SNTB2: variants seen among roughly 807,000 people sequenced by gnomAD.
The protein encoded by SNTB2 is beta-2-syntrophin.
A neutral mutation model predicts 46.2 loss-of-function variants in SNTB2; 34 were observed. The observed-to-expected ratio is 0.74, with a 90% CI of 0.56 to 0.98. The LOEUF (loss-of-function observed/expected upper bound fraction) is 0.98. Ranked by LOEUF, SNTB2 falls within the 50% of genes least tolerant of loss-of-function variation. SNTB2 has a pLI of 0.00. For missense variants in SNTB2, 603 were observed against 731.4 expected (o/e 0.82, Z 2.02); for synonymous variants, 290 against 312.6 (o/e 0.93, Z 0.76).
At chr16:69,247,492 G>A (rs1238707282) in intron 2 of SNTB2, among the ~76,000 whole-genome samples, 2 of 152,170 alleles carry the variant, frequency 1.3e-5, no homozygotes, top group Non-Finnish European at 2.9e-5. Flanking sequence ...TCCCTGATCA[G>A]GATGGAATGG....
At chr16:69,224,315 G>A (rs1208444864) in intron 1 of SNTB2, among the ~76,000 whole-genome samples, 3 of 149,196 alleles carry the variant, frequency 2.0e-5, no homozygotes, top group Non-Finnish European at 4.4e-5. Context: ...AGGTTCAAGC[G>A]ATTCTCCTGC....
chr16:69,245,430 A>G (rs772797624), intron 1 of SNTB2, among the ~76,000 whole-genome samples, 172 bp from the exon 2 acceptor site: 1 of 152,018 alleles, frequency 6.6e-6, no homozygotes, highest in Non-Finnish European at 1.5e-5. Context: ...CCTGACCTCA[A>G]GTGATCCACC....
intron 2 of SNTB2, among the ~76,000 whole-genome samples, chr16:69,249,878 C>A (rs890346749): frequency 6.6e-6 from 1 of 152,100 alleles, no homozygotes; most frequent in African/African-American, 2.4e-5. Flanking sequence ...GTGGGTGGAT[C>A]ACTTGATATC....
intron 1 of SNTB2, among the ~76,000 whole-genome samples, chr16:69,189,871 GTGCTTTTAGAA>G (rs1761784617): frequency 6.6e-6 from 1 of 152,210 alleles, no homozygotes; most frequent in African/African-American, 2.4e-5. Context: ...TAGGCCACGT[GTGCTTTTAGAA>G]AGATGGCCGC....
chr16:69,272,157 T>C (rs1242032810), intron 4 of SNTB2, among the ~76,000 whole-genome samples: 1 of 152,180 alleles, frequency 6.6e-6, no homozygotes, highest in Non-Finnish European at 1.5e-5. Context: ...GTGCTTCAAA[T>C]GTCACCATCA....
chr16:69,262,951 G>A (rs181249619), intron 3 of SNTB2, among the ~76,000 whole-genome samples: 10 of 151,424 alleles, frequency 6.6e-5, no homozygotes, highest in Non-Finnish European at 1.0e-4. Flanking sequence ...GCTGGGATCC[G>A]GCCAATACAT....
At chr16:69,219,032 G>A (rs967269938) in intron 1 of SNTB2, among the ~76,000 whole-genome samples, 1 of 152,208 alleles carries the variant, frequency 6.6e-6, no homozygotes, top group African/African-American at 2.4e-5. Flanking sequence ...ACCAGTAACT[G>A]CAAGGGGCAT....
intron 1 of SNTB2, among the ~76,000 whole-genome samples, chr16:69,219,687 C>T (rs750820488): frequency 9.9e-5 from 15 of 152,022 alleles, no homozygotes; most frequent in African/African-American, 2.7e-4. Context: ...ATAGTTTGTA[C>T]GCAATAGTCA....
At chr16:69,298,831 A>G (rs985761872) in intron 5 of SNTB2, among the ~76,000 whole-genome samples, 1 of 151,306 alleles carries the variant, frequency 6.6e-6, no homozygotes, top group Non-Finnish European at 1.5e-5. Flanking sequence ...CAGTATTACC[A>G]ATTCTTTAGG....
intron 1 of SNTB2, among the ~76,000 whole-genome samples, chr16:69,243,999 T>C (rs996694047): frequency 1.3e-5 from 2 of 152,234 alleles, no homozygotes; most frequent in African/African-American, 4.8e-5. Flanking sequence ...TCTCTAACTT[T>C]CTAATTTAGG....
chr16:69,264,484 A>T (rs977659655), intron 3 of SNTB2, among the ~76,000 whole-genome samples: 1 of 152,208 alleles, frequency 6.6e-6, no homozygotes, highest in Admixed American at 6.5e-5. Flanking sequence ...TTTTGGATAA[A>T]ATACTCTGCA....
chr16:69,257,527 A>T (rs1047374747), intron 2 of SNTB2, among the ~76,000 whole-genome samples: 2 of 151,424 alleles, frequency 1.3e-5, no homozygotes, highest in African/African-American at 4.9e-5. Context: ...GCTCACTGCA[A>T]GCTCCGCCTC....
chr16:69,233,947 C>T (rs1210300313), intron 1 of SNTB2, among the ~76,000 whole-genome samples: 2 of 151,878 alleles, frequency 1.3e-5, no homozygotes, highest in East Asian at 1.9e-4. Flanking sequence ...CCTGCAGTCC[C>T]GCCTGGACAA....
At chr16:69,264,971 C>T (rs564384262) in intron 3 of SNTB2, among the ~76,000 whole-genome samples, 30 of 152,246 alleles carry the variant, frequency 2.0e-4, no homozygotes, top group Admixed American at 6.5e-4. Flanking sequence ...ATCTATTGGC[C>T]GGGCACGGTG....
At chr16:69,257,414 C>CTTATTTATTTAT (rs35232643) in intron 2 of SNTB2, among the ~76,000 whole-genome samples, 4 of 142,280 alleles carry the variant, frequency 2.8e-5, no homozygotes, top group Admixed American at 1.4e-4. Context: ...GTTCATGACT[C>CTTATTTATTTAT]TTATTTATTT....
Position 69,213,984 on chromosome 16 carries a change from G to T in SNTB2, c.580+26238G>T, listed in dbSNP as rs150783513. ...CTACAGGCACCTGCCACCATGCCCGGCTAATTTTTTTGTAGTTTTTAGTAG... is the reference window on the plus strand; with the variant it reads ...CTACAGGCACCTGCCACCATGCCCGTCTAATTTTTTTGTAGTTTTTAGTAG... On this transcript the variant is annotated intron_variant, in intron 1 of 6. Coordinates refer to ENST00000336278, the MANE Select transcript of SNTB2 (RefSeq NM_006750.4). Among the ~76,000 whole-genome samples, 166 of 149,152 alleles carry T rather than the reference G, an allele frequency of 1.1e-3. 6 individuals carry two copies. The East Asian group carries it at 0.029, about 26-fold the overall frequency.
chr16:69,289,228 C>G (rs1174672474), intron 5 of SNTB2, among the ~76,000 whole-genome samples: 1 of 143,138 alleles, frequency 7.0e-6, no homozygotes, highest in Non-Finnish European at 1.5e-5. Context: ...AAGATCGCAC[C>G]ATTGCACTCC....
At chr16:69,219,713 ATTTTATTTTGTTTTGTTTTG>A (rs1471736713) in intron 1 of SNTB2, among the ~76,000 whole-genome samples, 3 of 148,416 alleles carry the variant, frequency 2.0e-5, no homozygotes, top group African/African-American at 7.7e-5. Context: ...ACCAGATTTT[ATTTTATTTTGTTTTGTTTTG>A]TTTTGTTTTG....
intron 1 of SNTB2, among the ~76,000 whole-genome samples, chr16:69,200,235 C>G (rs1964149132): frequency 6.6e-6 from 1 of 152,138 alleles, no homozygotes; most frequent in Non-Finnish European, 1.5e-5. Context: ...TTGTCAAGCA[C>G]ATTTGCTTAC....
Sources: allele counts gnomAD v4.1 joint callset (sites outside exome capture counted in the v4.1 genomes callset), GRCh38; gene constraint gnomAD v4.1.1; transcripts MANE v1.5; gene names NCBI Gene and HGNC (gene_info 2026-07-23, HGNC 2026-07-21).